Variants in GLMN observed in about 807,000 individuals in gnomAD.
GLMN encodes glomulin, FKBP associated protein.
GLMN carries 75 observed loss-of-function variants against 87.8 expected under a neutral mutation model. The observed-to-expected ratio is 0.85, with a 90% CI of 0.71 to 1.04. The LOEUF (loss-of-function observed/expected upper bound fraction) is 1.04, where lower values mean the gene tolerates loss of function less well. Among genes scored for constraint, GLMN ranks in the 50% least tolerant of loss-of-function variants. GLMN has a pLI of 0.00. For missense variants in GLMN, 588 were observed against 658.8 expected, an observed-to-expected ratio of 0.89 and a Z score of 1.18; for synonymous variants, 206 against 221.6, an observed-to-expected ratio of 0.93 and a Z score of 0.63.
the GLMN span, among the ~76,000 whole-genome samples, chr1:92,311,221 C>G: frequency 1.3e-5 from 2 of 152,090 alleles, no homozygotes; most frequent in South Asian, 4.1e-4. Context: ...TCTCAGTTTC[C>G]TCATTTGTAA....
the GLMN span, among the ~76,000 whole-genome samples, chr1:92,354,706 T>A: frequency 6.6e-6 from 1 of 152,042 alleles, no homozygotes; most frequent in South Asian, 2.1e-4. Context: ...GTTTTCTAGA[T>A]AGTAGTTCTG....
intron 4 of GLMN, among the ~76,000 whole-genome samples, chr1:92,290,824 A>G (rs72958771): frequency 0.013 from 2,041 of 152,292 alleles, 46 homozygotes; most frequent in African/African-American, 0.047. Context: ...ACTGATCACT[A>G]AACAGTTTCT....
At chr1:92,271,778 C>G (rs888576848) in intron 7 of GLMN, 126 bp from the exon 8 acceptor site, 5 of 692,832 alleles carry the variant, frequency 7.2e-6, no homozygotes, top group East Asian at 2.6e-5. Context: ...TGAGTGGGAC[C>G]TATGAGACTT....
At chr1:92,279,086 G>A (rs1003662925) in intron 7 of GLMN, among the ~76,000 whole-genome samples, 2 of 49,908 alleles carry the variant, frequency 4.0e-5, no homozygotes, top group Non-Finnish European at 6.7e-5. Context: ...CCTTTTCACT[G>A]TCTCTTGCAT....
rs2101083705 is a variant in GLMN at position 92,298,921 on chromosome 1, T to C, written c.-31+4A>G. On this transcript the variant is annotated splice_donor_region_variant and intron_variant, in intron 1 of 18. Coordinates refer to ENST00000370360, the MANE Select transcript of GLMN (RefSeq NM_053274.3). ...ACCCTGAACCTCTCCACAACTCCAC[T>C]TACCGGCCAGAACCCTCGCCTCTCC... The C allele has an allele frequency of 4.4e-6, 2 of 458,834 alleles. No individual in the cohort carries two copies. The highest frequency in any genetic ancestry group is 8.3e-5 in the South Asian group (2 of 24,000). The allele number at this position is 458,834 out of a possible 1,614,324, so 28.4% of individuals were successfully genotyped here.
chr1:92,263,830 T>TA lies in GLMN; in HGVS notation c.1300-99dup, dbSNP rs1655306156. 1.2e-5 allele frequency: 9 copies of TA among 766,780 alleles called. No individual in the cohort carries two copies. The East Asian group carries it at 2.0e-4, about 17-fold the overall frequency. 47.5% of individuals were successfully genotyped at this position (766,780 alleles called of 1,614,324 possible). On this transcript the variant is annotated intron_variant, in intron 14 of 18. Coordinates refer to ENST00000370360, the MANE Select transcript of GLMN (RefSeq NM_053274.3). Reference sequence around the variant, plus strand: ...CTACAAAAATGAAGAATTGCACATTTAAAATACAGTTTTTAACTTTAATTT... The same window carrying TA: ...CTACAAAAATGAAGAATTGCACATTTAAAAATACAGTTTTTAACTTTAATTT...
chr1:92,320,634 G>A, the GLMN span: 2 of 1,606,646 alleles, frequency 1.2e-6, no homozygotes, highest in East Asian at 2.2e-5. Flanking sequence ...GAAGAACAAA[G>A]GTATGGTTGA....
At chr1:92,284,769 T>A (rs1648529962) in intron 7 of GLMN, among the ~76,000 whole-genome samples, 1 of 151,204 alleles carries the variant, frequency 6.6e-6, no homozygotes, top group African/African-American at 2.4e-5. Flanking sequence ...TTAAACAAAT[T>A]TACAAGAAAA....
chr1:92,251,794 C>CT (rs35251154), intron 16 of GLMN, among the ~76,000 whole-genome samples: 1,432 of 143,018 alleles, frequency 0.01, 20 homozygotes, highest in African/African-American at 0.031. Flanking sequence ...ATTCCCAAAA[C>CT]TTTTTTTTTT....
the GLMN span, among the ~76,000 whole-genome samples, chr1:92,365,255 C>T: frequency 2.0e-5 from 3 of 152,116 alleles, no homozygotes; most frequent in South Asian, 2.1e-4. Context: ...CTTTACTATC[C>T]GATTTCTTCC....
chr1:92,302,189 A>G (rs1455884591), upstream of GLMN, among the ~76,000 whole-genome samples: 1 of 152,176 alleles, frequency 6.6e-6, no homozygotes, highest in Non-Finnish European at 1.5e-5. Flanking sequence ...AGGCATGAGA[A>G]TCACTTGAAC....
the GLMN span, chr1:92,345,985 A>C: frequency 2.8e-6 from 3 of 1,082,856 alleles, no homozygotes; most frequent in African/African-American, 4.7e-5. Flanking sequence ...AAACAAAGTG[A>C]TCCACTGATT....
chr1:92,319,619 A>C, the GLMN span, among the ~76,000 whole-genome samples: 1 of 152,212 alleles, frequency 6.6e-6, no homozygotes, highest in Non-Finnish European at 1.5e-5. Context: ...CTTACTGACC[A>C]TGTAAAGGAA....
At position 92,297,458 on chromosome 1, in the gene GLMN, T is replaced by G; in HGVS notation, c.111A>C (p.Ile37=). Reference sequence around the variant, plus strand: ...ATAGCTGGTCTGTGTGCCCTTCTTCTATGCATCTTTGCCCAGCTAACTGAA... The same window carrying G: ...ATAGCTGGTCTGTGTGCCCTTCTTCGATGCATCTTTGCCCAGCTAACTGAA... ...GLFQLAGQRC[I]EEGHTDQLLE... Residue 37 remains isoleucine, a synonymous_variant, in exon 3 of 19, where the codon ATA becomes ATC. Coordinates refer to ENST00000370360, the MANE Select transcript of GLMN (RefSeq NM_053274.3). 6.2e-7 allele frequency: 1 copy of G among 1,611,652 alleles called. No individual in the cohort carries two copies. Among genetic ancestry groups the G allele is most frequent in the Non-Finnish European group, 8.5e-7 (1 of 1,178,588 alleles).
At chr1:92,298,824 C>T (rs1650506898) in intron 1 of GLMN, 101 bp downstream of exon 1, 1 of 386,108 alleles carries the variant, frequency 2.6e-6, no homozygotes, top group Non-Finnish European at 4.6e-6. Flanking sequence ...GCAGGCTCCA[C>T]CACCTCGCGT....
At chr1:92,358,725 C>A in the GLMN span, among the ~76,000 whole-genome samples, 3 of 151,758 alleles carry the variant, frequency 2.0e-5, no homozygotes, top group Admixed American at 2.0e-4. Context: ...GCAGCTGGGA[C>A]CATAGGCATG....
rs372862537 is a variant in GLMN at position 92,246,558 on chromosome 1, G to A, written c.1757C>T (p.Thr586Ile). 1.1e-5 allele frequency: 17 copies of A among 1,502,684 alleles called. No homozygotes were observed. In the African/African-American group the frequency reaches 2.1e-4, roughly 18 times the overall value. 93.1% of individuals were successfully genotyped at this position (1,502,684 alleles called of 1,614,324 possible). ...CTTTATCCCAATATTTTCTTCAGAG[G>A]TAGACTTTGTTTTTATTTCAATGAG... is the stretch of plus-strand genomic sequence containing the variant. The part of the protein sequence containing the change: ...EELIEIKTKS[T>I]SEENIGIK The change falls in exon 19 of 19, where the codon ACC becomes ATC. Residue 586 changes from threonine to isoleucine, a missense_variant. By Grantham distance (89) the Thr-to-Ile change is moderately conservative. Transcript: ENST00000370360.
chr1:92,333,162 T>C, the GLMN span: 1 of 469,668 alleles, frequency 2.1e-6, no homozygotes, highest in South Asian at 4.2e-5. Context: ...ATATCCCAAT[T>C]ATAAAGATGA....
intron 5 of GLMN, 128 bp downstream of exon 5, chr1:92,290,070 T>C (rs1406848193): frequency 1.4e-6 from 1 of 690,982 alleles, no homozygotes; most frequent in Non-Finnish European, 2.6e-6. Flanking sequence ...ATTGCTATTA[T>C]TGGTTTAAGC....
Sources: allele counts gnomAD v4.1 joint callset (sites outside exome capture counted in the v4.1 genomes callset), GRCh38; gene constraint gnomAD v4.1.1; transcripts MANE v1.5; gene names NCBI Gene and HGNC (gene_info 2026-07-23, HGNC 2026-07-21).